Variants in INF2 observed in about 807,000 individuals in gnomAD.
The protein encoded by INF2 is inverted formin 2.
INF2 carries 43 observed loss-of-function variants against 123.5 expected under a neutral mutation model. The observed-to-expected ratio is 0.35, with a 90% confidence interval of 0.27 to 0.45. The LOEUF is 0.45. Ranked by LOEUF, INF2 falls within the 20% of genes least tolerant of loss-of-function variation. The pLI is 1.00. For synonymous variants in INF2, 851 were observed against 745.0 expected, an observed-to-expected ratio of 1.14 and a Z score of -2.32; for missense variants, 1,453 against 1,682.7, an observed-to-expected ratio of 0.86 and a Z score of 2.39.
rs1348312674 is a variant in INF2, at chr14:104,707,628, T to G, written c.1361T>G (p.Leu454Arg). Residue 454 changes from leucine (L) to arginine (R), a missense_variant, in exon 8 of 23, where the codon CTC becomes CGC. This residue lies in a region of INF2 where 374 missense variants were observed against 303.7 expected (regional missense o/e 1.23). Transcript: ENST00000392634. ...CTGCCCAGTGTGGGGGCTAAGGCCC[T>G]CCCAACAGCACCCCCGCCCCCACCC... ...PPLPSVGAKA[L>R]PTAPPPPPLP... is the part of the protein sequence containing the mutation. 2.7e-6 allele frequency: 2 copies of G among 727,354 alleles called. No individual in the cohort carries two copies. Among genetic ancestry groups the G allele is most frequent in the African/African-American group, 2.4e-5 (1 of 42,436 alleles). The allele number at this position is 727,354 out of a possible 1,614,324, so 45.1% of individuals were successfully genotyped here.
Position 104,705,333 on chromosome 14 carries a change from T to C in INF2, c.702-702T>C, listed in dbSNP as rs1323984984. On this transcript the variant is annotated intron_variant, in intron 5 of 22. Coordinates refer to ENST00000392634, the MANE Select transcript of INF2 (RefSeq NM_022489.4). ...TCAGGAGGCTGAGGCAGGACAATCA[T>C]TGGATCCCAGGAGGTAGAAGTTGTA... 2.0e-5 allele frequency among the ~76,000 whole-genome samples: 3 copies of C among 152,158 alleles called. No individual in the cohort carries two copies. In the East Asian group the frequency reaches 5.8e-4, roughly 29 times the overall value.
Position 104,684,399 on chromosome 14 carries a change from G to A in INF2, c.-104+2817G>A, listed in dbSNP as rs1025895261. ...CTTTCAGCGGATAGGTTTGTGCAAC[G>A]AAATATTTCATAGAAATCAAGAAAC... is the stretch of plus-strand genomic sequence containing the variant. On this transcript the variant is annotated intron_variant, in intron 1 of 2. Coordinates refer to the INF2 transcript ENST00000674723. This position sits in a 1 kb window ranked among gnomAD's most constrained non-coding sequence, Gnocchi z 5.0. The A allele has an allele frequency of 8.6e-5, 24 of 277,666 alleles. No individual in the cohort carries two copies. The highest frequency in any genetic ancestry group is 2.4e-4 in the African/African-American group (11 of 45,082). 17.2% of individuals were successfully genotyped at this position (277,666 alleles called of 1,614,324 possible).
intron 1 of INF2, among the ~76,000 whole-genome samples, chr14:104,692,820 A>G (rs1381813400): frequency 6.6e-6 from 1 of 152,256 alleles, no homozygotes; most frequent in African/African-American, 2.4e-5. Flanking sequence ...GGCAAGGGCC[A>G]AGGCTGCTTT....
chr14:104,707,187 C>T (rs1889820312), intron 7 of INF2, 66 bp from the exon 8 acceptor site: 6 of 1,532,924 alleles, frequency 3.9e-6, no homozygotes, highest in East Asian at 2.4e-5. Flanking sequence ...CCTGCCTCTT[C>T]CTCAAGCCCC....
chr14:104,709,255 C>T (rs1444086916), intron 10 of INF2, 26 bp from the exon 11 acceptor site: 17 of 1,580,282 alleles, frequency 1.1e-5, no homozygotes, highest in African/African-American at 1.3e-5. Flanking sequence ...TTCACTCACC[C>T]CTGCCCGGTC....
At chr14:104,709,989 CT>C in intron 12 of INF2, 98 bp from the exon 13 acceptor site, 1 of 1,088,706 alleles carries the variant, frequency 9.2e-7, no homozygotes, top group African/African-American at 1.6e-5. Context: ...AACCCCCTCC[CT>C]TTGCCCACCA....
chr14:104,715,204 C>T (rs1376637054), intron 21 of INF2, 80 bp from the exon 22 acceptor site: 4 of 1,387,034 alleles, frequency 2.9e-6, no homozygotes, highest in African/African-American at 1.4e-5. Context: ...CTGTCCCGGG[C>T]CCCCCAGCCC....
rs1386935839 is a variant in INF2 at position 104,706,031 on chromosome 14, A to G, written c.702-4A>G. The stretch of plus-strand genomic sequence containing the variant: ...GCTTAGCCCACCTGGCCCCTCCTGC[A>G]CAGAGACCTGGAGGATGCCGACCTG... On this transcript the variant is annotated splice_polypyrimidine_tract_variant and splice_region_variant and intron_variant, in intron 5 of 22. Transcript: ENST00000392634. The G allele has an allele frequency of 6.2e-7, 1 of 1,611,380 alleles. No homozygotes were observed. The highest frequency in any genetic ancestry group is 1.7e-5 in the Admixed American group (1 of 59,986).
intron 1 of INF2, among the ~76,000 whole-genome samples, chr14:104,698,195 A>G (rs1054200172): frequency 5.3e-5 from 8 of 152,260 alleles, no homozygotes; most frequent in Non-Finnish European, 8.8e-5. Context: ...AGGGGCACAC[A>G]GCTCAGCAAT....
intron 1 of INF2, among the ~76,000 whole-genome samples, chr14:104,698,341 G>C (rs1889295152): frequency 6.6e-6 from 1 of 152,252 alleles, no homozygotes; most frequent in Non-Finnish European, 1.5e-5. Context: ...CCACCCCCCA[G>C]TGAGAACAGG....
chr14:104,712,780 G>T (rs766401628), intron 17 of INF2, 48 bp from the exon 18 acceptor site: 23 of 1,551,420 alleles, frequency 1.5e-5, no homozygotes, highest in Non-Finnish European at 1.9e-5. Context: ...ACCCCGGGTG[G>T]TGCCCGCGCG....
In INF2 at chr14:104,699,607, A is replaced by G; in HGVS notation, c.-9-1750A>G. On this transcript the variant is annotated intron_variant, in intron 1 of 22. Transcript: ENST00000392634. This position sits in a 1 kb window ranked among gnomAD's most constrained non-coding sequence, Gnocchi z 4.7. ...AGGTCTTGCGCATCTGGGTGAGTGG[A>G]CGGCCACTGGGTGACCAAGAGGGCC... 8.1e-6 allele frequency: 8 copies of G among 984,712 alleles called. No individual in the cohort carries two copies. Among genetic ancestry groups the G allele is most frequent in the Non-Finnish European group, 9.6e-6 (8 of 829,492 alleles). 61.0% of individuals were successfully genotyped at this position (984,712 alleles called of 1,614,324 possible).
In INF2 at chr14:104,711,622, A is replaced by G. The variant is rs749487696; in HGVS notation, c.2419-7A>G. ...CAGTGGATCTCACTGGACGTGTCCCATTGCAGGAAGCGGAAAAGAGCCACC... is the reference window on the plus strand; with the variant it reads ...CAGTGGATCTCACTGGACGTGTCCCGTTGCAGGAAGCGGAAAAGAGCCACC... On this transcript the variant is annotated splice_polypyrimidine_tract_variant and splice_region_variant and intron_variant, in intron 15 of 22. Transcript: ENST00000392634. 1.4e-5 allele frequency: 23 copies of G among 1,612,412 alleles called. No individual in the cohort carries two copies. The Middle Eastern group carries it at 2.0e-3, about 139-fold the overall frequency.
Position 104,707,408 on chromosome 14 carries a change from C to T in INF2, c.1141C>T (p.Pro381Ser). Reference sequence around the variant, plus strand: ...CCCGCAAAACACTACAACCCCCAAGCCCAGCGTGGAGGGCCAGCAGCCAGC... The same window carrying T: ...CCCGCAAAACACTACAACCCCCAAGTCCAGCGTGGAGGGCCAGCAGCCAGC... ...SSPQNTTTPK[P>S]SVEGQQPAAA... The change falls in exon 8 of 23, where the codon CCC (proline) becomes TCC (serine). Residue 381 changes from proline to serine, a missense_variant. Pro to Ser is a moderately conservative substitution (Grantham distance 74, BLOSUM62 -1). Coordinates refer to ENST00000392634, the MANE Select transcript of INF2 (RefSeq NM_022489.4). The T allele has an allele frequency of 6.3e-7, 1 of 1,584,520 alleles. No individual in the cohort carries two copies. The highest frequency in any genetic ancestry group is 2.3e-5 in the East Asian group (1 of 42,898).
chr14:104,701,234 G>T, intron 1 of INF2, 123 bp from the exon 2 acceptor site: 1 of 1,119,054 alleles, frequency 8.9e-7, no homozygotes, highest in Non-Finnish European at 1.3e-6. Context: ...CCTCAGCATG[G>T]CACGTGAGCA....
chr14:104,707,641 C>G lies in INF2; in HGVS notation c.1374C>G (p.Pro458=). Residue 458 remains proline (P), a synonymous_variant, in exon 8 of 23, where the codon CCC becomes CCG. Transcript: ENST00000392634. ...GGGCTAAGGCCCTCCCAACAGCACC[C>G]CCGCCCCCACCCCTGCCAGGCCTGG... ...SVGAKALPTA[P]PPPPLPGLGA... The G allele has an allele frequency of 1.0e-6, 1 of 957,258 alleles. No homozygotes were observed. Among genetic ancestry groups the G allele is most frequent in the Non-Finnish European group, 1.6e-6 (1 of 643,436 alleles). The allele number at this position is 957,258 out of a possible 1,614,324, so 59.3% of individuals were successfully genotyped here.
chr14:104,703,411 C>T lies in INF2; in HGVS notation c.624C>T (p.Pro208=), dbSNP rs750610272. 67 of 1,612,742 alleles carry T rather than the reference C, an allele frequency of 4.2e-5. No homozygotes were observed. The highest frequency in any genetic ancestry group is 5.3e-5 in the Non-Finnish European group (63 of 1,179,958). Residue 208 remains proline (P), a synonymous_variant, in exon 4 of 23, where the codon CCC becomes CCT. Coordinates refer to ENST00000392634, the MANE Select transcript of INF2 (RefSeq NM_022489.4). ...LSVINAVILG[P]EDLRARTQLR... ...TGATCAACGCCGTCATCTTGGGCCCCGAGGACCTGCGCGCGCGCACCCAGC... is the reference window on the plus strand; with the variant it reads ...TGATCAACGCCGTCATCTTGGGCCCTGAGGACCTGCGCGCGCGCACCCAGC...
In INF2 at chr14:104,699,991, G is replaced by A. The variant is rs1393068260; in HGVS notation, c.-9-1366G>A. On this transcript the variant is annotated intron_variant, in intron 1 of 22. Transcript: ENST00000392634. This position sits in a 1 kb window ranked among gnomAD's most constrained non-coding sequence, Gnocchi z 4.7. ...GGGGCTGGACTGCCGGAAACACCAGGCTTGGTCGTGGACCAGGCTGGGGAG... is the reference window on the plus strand; with the variant it reads ...GGGGCTGGACTGCCGGAAACACCAGACTTGGTCGTGGACCAGGCTGGGGAG... 2.6e-5 allele frequency among the ~76,000 whole-genome samples: 4 copies of A among 152,150 alleles called. No homozygotes were observed. The East Asian group carries it at 7.7e-4, about 29-fold the overall frequency.
rs748717940 is a variant in INF2 at position 104,714,780 on chromosome 14, A to C, written c.3618A>C (p.Thr1206=). ...DAVTDSSGSG[T]LPRARGRASK... The stretch of plus-strand genomic sequence containing the variant: ...TGACCGACTCCTCGGGGTCGGGCAC[A>C]CTCCCCAGGGCCCGGGGCCGGGCCT... The change falls in exon 21 of 23, where the codon ACA becomes ACC. Residue 1206 remains threonine, a synonymous_variant. Coordinates refer to ENST00000392634, the MANE Select transcript of INF2 (RefSeq NM_022489.4). 6.3e-7 allele frequency: 1 copy of C among 1,599,452 alleles called. No individual in the cohort carries two copies. The highest frequency in any genetic ancestry group is 8.5e-7 in the Non-Finnish European group (1 of 1,174,396).
Sources: allele counts gnomAD v4.1 joint callset (sites outside exome capture counted in the v4.1 genomes callset), GRCh38; gene constraint gnomAD v4.1.1; regional missense constraint gnomAD v4.1.1; non-coding constraint Gnocchi (gnomAD v3.1); transcripts MANE v1.5; gene names NCBI Gene and HGNC (gene_info 2026-07-23, HGNC 2026-07-21).